The following FGGY variants were observed in gnomAD, a reference collection of about 807,000 sequenced individuals.
The protein encoded by FGGY is FGGY carbohydrate kinase domain-containing protein.
FGGY carries 72 observed loss-of-function variants against 71.3 expected under a neutral mutation model. That is an observed-to-expected ratio of 1.01 (90% confidence interval 0.84 to 1.23). The LOEUF is 1.23. Among genes scored for constraint, FGGY ranks in the 50% most tolerant of loss-of-function variants. The pLI, the probability that FGGY is intolerant of heterozygous loss-of-function variation, is 0.00. For missense variants in FGGY, 668 were observed against 682.3 expected, an observed-to-expected ratio of 0.98 and a Z score of 0.23; for synonymous variants, 251 against 250.3, an observed-to-expected ratio of 1.00 and a Z score of -0.02.
chr1:59,607,473 A>G (rs2096634620), intron 8 of FGGY, among the ~76,000 whole-genome samples: 1 of 152,218 alleles, frequency 6.6e-6, no homozygotes, highest in Admixed American at 6.5e-5. Flanking sequence ...GAGGAGCTGC[A>G]AAGTCTCATT....
chr1:59,375,627 T>C (rs747465461), intron 4 of FGGY, among the ~76,000 whole-genome samples: 17 of 152,214 alleles, frequency 1.1e-4, no homozygotes, highest in Non-Finnish European at 1.9e-4. Flanking sequence ...CCACATGTGT[T>C]ATCTCCTTAG....
chr1:59,572,193 A>G (rs1490836916), intron 8 of FGGY, among the ~76,000 whole-genome samples: 1 of 152,200 alleles, frequency 6.6e-6, no homozygotes, highest in Non-Finnish European at 1.5e-5. Context: ...GTGCCATATA[A>G]TTTGGGTGGT....
intron 6 of FGGY, among the ~76,000 whole-genome samples, chr1:59,459,733 G>A (rs2092012327): frequency 6.6e-6 from 1 of 152,174 alleles, no homozygotes. Context: ...AGGAAGATAA[G>A]CAACATCCCA....
intron 7 of FGGY, among the ~76,000 whole-genome samples, chr1:59,528,530 G>A (rs971444133): frequency 6.6e-6 from 1 of 152,114 alleles, no homozygotes; most frequent in Admixed American, 6.5e-5. Flanking sequence ...GAAGACATGG[G>A]GCATCTTTTA....
chr1:59,522,605 A>C (rs990248566), intron 7 of FGGY, among the ~76,000 whole-genome samples: 3 of 152,156 alleles, frequency 2.0e-5, no homozygotes, highest in Non-Finnish European at 2.9e-5. Flanking sequence ...TTGTTTACTA[A>C]ATTTGTTAAT....
At chr1:59,729,235 T>A (rs2097992627) in intron 14 of FGGY, among the ~76,000 whole-genome samples, 1 of 151,976 alleles carries the variant, frequency 6.6e-6, no homozygotes, top group Non-Finnish European at 1.5e-5. Context: ...TTTTAGATAC[T>A]TTTTTAGCAT....
chr1:59,433,303 T>G (rs2067762544), intron 5 of FGGY, among the ~76,000 whole-genome samples: 1 of 152,150 alleles, frequency 6.6e-6, no homozygotes, highest in Admixed American at 6.5e-5. Flanking sequence ...AGACAAAATG[T>G]CCCTGATTAA....
At chr1:59,504,693 AGTGTATTACTG>A (rs2094332737) in intron 6 of FGGY, among the ~76,000 whole-genome samples, 1 of 152,146 alleles carries the variant, frequency 6.6e-6, no homozygotes, top group African/African-American at 2.4e-5. Context: ...GAGAGATGAA[AGTGTATTACTG>A]GTGGGATTAT....
intron 4 of FGGY, among the ~76,000 whole-genome samples, chr1:59,369,353 C>A (rs1300593218): frequency 6.6e-6 from 1 of 152,208 alleles, no homozygotes; most frequent in Admixed American, 6.5e-5. Context: ...GGCAGCGAGG[C>A]TGGGGGAGGA....
chr1:59,543,301 G>A (rs551065154), intron 7 of FGGY, among the ~76,000 whole-genome samples: 52 of 152,080 alleles, frequency 3.4e-4, no homozygotes, highest in Non-Finnish European at 5.9e-4. Context: ...AGTCTTATCC[G>A]GTGGTGTGGG....
intron 14 of FGGY, among the ~76,000 whole-genome samples, chr1:59,692,524 A>T (rs1167203548): frequency 1.3e-5 from 2 of 152,126 alleles, no homozygotes; most frequent in African/African-American, 2.4e-5. Flanking sequence ...AGGGAAAAAA[A>T]ATTCTCATTA....
At chr1:59,596,216 C>T (rs55710694) in intron 8 of FGGY, among the ~76,000 whole-genome samples, 14,769 of 151,338 alleles carry the variant, frequency 0.098, 863 homozygotes, top group South Asian at 0.3. Flanking sequence ...TAACATGAGG[C>T]TCACTTAACA....
chr1:59,537,689 G>A (rs552379362), intron 7 of FGGY, among the ~76,000 whole-genome samples: 2,571 of 151,912 alleles, frequency 0.017, 39 homozygotes, highest in Non-Finnish European at 0.023. Flanking sequence ...CAGAAATAAC[G>A]CCGCATATCT....
At chr1:59,348,766 AT>A (rs1370011282) in intron 4 of FGGY, among the ~76,000 whole-genome samples, 1 of 152,138 alleles carries the variant, frequency 6.6e-6, no homozygotes, top group Non-Finnish European at 1.5e-5. Context: ...CTTTTTAGCT[AT>A]TTTATATATT....
At chr1:59,335,527 T>C (rs992107945) in intron 2 of FGGY, among the ~76,000 whole-genome samples, 4 of 152,226 alleles carry the variant, frequency 2.6e-5, no homozygotes, top group African/African-American at 9.6e-5. Context: ...CATACAATTC[T>C]TTGTGTTGAT....
intron 6 of FGGY, among the ~76,000 whole-genome samples, chr1:59,501,996 G>T (rs775383268): frequency 6.6e-6 from 1 of 152,180 alleles, no homozygotes; most frequent in Non-Finnish European, 1.5e-5. Flanking sequence ...TTTGTCATGT[G>T]GCAGACAACA....
intron 14 of FGGY, among the ~76,000 whole-genome samples, chr1:59,734,661 G>A (rs2098083967): frequency 6.6e-6 from 1 of 152,260 alleles, no homozygotes; most frequent in South Asian, 2.1e-4. Flanking sequence ...CTAACATGAG[G>A]TGATTGAGGA....
At chr1:59,745,095 C>T (rs2098184157) in intron 14 of FGGY, among the ~76,000 whole-genome samples, 1 of 152,214 alleles carries the variant, frequency 6.6e-6, no homozygotes, top group Admixed American at 6.5e-5. Flanking sequence ...CTTAGCCTCT[C>T]AACTCCTGGC....
chr1:59,671,530 G>A (rs1423656340), intron 13 of FGGY, among the ~76,000 whole-genome samples: 2 of 152,210 alleles, frequency 1.3e-5, no homozygotes, highest in African/African-American at 2.4e-5. Flanking sequence ...CTCAGAGTAG[G>A]TGGAGGGAGG....
Sources: gnomAD v4.1 joint callset for allele counts (sites outside exome capture counted in the v4.1 genomes callset) on GRCh38, gnomAD v4.1.1 for gene constraint, MANE v1.5 for transcripts, NCBI Gene and HGNC (gene_info 2026-07-23, HGNC 2026-07-21) for gene names.